GRAMD2B: variants seen among roughly 807,000 people sequenced by gnomAD.
The protein encoded by GRAMD2B is GRAM domain containing 2B, also known as GRAM domain-containing protein 2B.
GRAMD2B carries 41 observed loss-of-function variants against 59.2 expected under a neutral mutation model. The ratio of observed to expected loss-of-function variants is 0.69; its 90% CI spans 0.54 to 0.90. The LOEUF is 0.90. Among genes scored for constraint, GRAMD2B ranks in the 40% least tolerant of loss-of-function variants. GRAMD2B has a pLI of 0.00. For synonymous variants in GRAMD2B, 161 were observed against 182.7 expected (o/e 0.88, Z 0.96); for missense variants, 424 against 500.5 (o/e 0.85, Z 1.46).
upstream of GRAMD2B, among the ~76,000 whole-genome samples, chr5:126,370,707 C>T (rs1332051450): frequency 6.6e-6 from 1 of 152,218 alleles, no homozygotes; most frequent in Non-Finnish European, 1.5e-5. Context: ...ACTGGGATCA[C>T]CTGCAGTTGC....
At chr5:126,390,632 T>C (rs1756644710) in intron 1 of GRAMD2B, among the ~76,000 whole-genome samples, 2 of 152,230 alleles carry the variant, frequency 1.3e-5, no homozygotes, top group Admixed American at 1.3e-4. Context: ...GTAAGTAAAG[T>C]AATTTCAGCA....
chr5:126,484,263 C>A, intron 9 of GRAMD2B, 139 bp from the exon 10 acceptor site: 3 of 919,782 alleles, frequency 3.3e-6, no homozygotes, highest in Non-Finnish European at 4.8e-6. Context: ...TCAGCCCCAG[C>A]CACCACAACT....
chr5:126,401,598 G>A (rs1391575921), intron 1 of GRAMD2B, among the ~76,000 whole-genome samples: 2 of 151,982 alleles, frequency 1.3e-5, no homozygotes, highest in African/African-American at 4.8e-5. Context: ...GGCTTCAAGA[G>A]AGAAAGACCT....
At chr5:126,463,659 G>C (rs1248240215) in intron 1 of GRAMD2B, among the ~76,000 whole-genome samples, 1 of 152,180 alleles carries the variant, frequency 6.6e-6, no homozygotes. Context: ...GAAATAGAAG[G>C]TTGGACCTCT....
At chr5:126,385,487 T>C (rs1229818746) in intron 1 of GRAMD2B, among the ~76,000 whole-genome samples, 2 of 152,212 alleles carry the variant, frequency 1.3e-5, no homozygotes, top group Non-Finnish European at 2.9e-5. Context: ...TTAAGTTACA[T>C]AGGAAAGAGA....
chr5:126,415,952 T>C (rs944102714), intron 1 of GRAMD2B, among the ~76,000 whole-genome samples: 1 of 152,154 alleles, frequency 6.6e-6, no homozygotes, highest in Admixed American at 6.5e-5. Flanking sequence ...GATCTGTCAG[T>C]TGCAATGCAT....
At chr5:126,401,070 A>G (rs1055385608) in intron 1 of GRAMD2B, among the ~76,000 whole-genome samples, 5 of 152,024 alleles carry the variant, frequency 3.3e-5, no homozygotes, top group Non-Finnish European at 7.4e-5. Context: ...TAATGCATAT[A>G]TAGGTTTGGT....
chr5:126,360,960 T>G (rs1754191601), intron 1 of GRAMD2B, among the ~76,000 whole-genome samples: 1 of 152,190 alleles, frequency 6.6e-6, no homozygotes. Context: ...AAGGTAGGTT[T>G]GGGTTTGGGT....
chr5:126,393,778 T>C (rs1268095604), intron 1 of GRAMD2B, among the ~76,000 whole-genome samples: 2 of 152,156 alleles, frequency 1.3e-5, no homozygotes, highest in Non-Finnish European at 2.9e-5. Flanking sequence ...AAAAACAATG[T>C]TTCCTCGAAA....
chr5:126,425,556 C>A (rs1220963137), intron 1 of GRAMD2B, among the ~76,000 whole-genome samples: 1 of 152,096 alleles, frequency 6.6e-6, no homozygotes, highest in Non-Finnish European at 1.5e-5. Flanking sequence ...CACTTGAGCC[C>A]AGGAATTTAA....
chr5:126,479,205 T>A (rs1267320701), intron 6 of GRAMD2B, among the ~76,000 whole-genome samples: 2 of 152,134 alleles, frequency 1.3e-5, no homozygotes, highest in Non-Finnish European at 2.9e-5. Context: ...TCCTTTTTTA[T>A]TTTTTCTTTT....
intron 1 of GRAMD2B, among the ~76,000 whole-genome samples, chr5:126,390,354 C>A (rs972897506): frequency 6.6e-6 from 1 of 152,192 alleles, no homozygotes. Context: ...TGTCAAGTGA[C>A]CTTTCCTACT....
chr5:126,420,314 G>A (rs1056819891), upstream of GRAMD2B, among the ~76,000 whole-genome samples: 1 of 152,068 alleles, frequency 6.6e-6, no homozygotes, highest in Non-Finnish European at 1.5e-5. Context: ...CGTGCCTCTT[G>A]AATACTATAT....
exon 1 of GRAMD2B, chr5:126,371,525 C>T (rs1476726256): frequency 1.0e-5 from 13 of 1,289,076 alleles, no homozygotes; most frequent in Non-Finnish European, 1.3e-5. Flanking sequence ...AACGTGGAGG[C>T]CTCACGCAGC....
In GRAMD2B at chr5:126,384,334, A is replaced by G. The variant is rs73332447; in HGVS notation, c.125+12767A>G. On this transcript the variant is annotated intron_variant, in intron 1 of 8. Coordinates refer to the GRAMD2B transcript ENST00000506445. Reference sequence around the variant, plus strand: ...ACTCTCCAAACTATCATTTTCCACAACATGTCTCTTGCTCATCCTCATATT... The same window carrying G: ...ACTCTCCAAACTATCATTTTCCACAGCATGTCTCTTGCTCATCCTCATATT... Among the ~76,000 whole-genome samples the G allele has an allele frequency of 4.2e-3, 643 of 152,158 alleles. 3 individuals are homozygous for G. The highest frequency in any genetic ancestry group is 0.014 in the African/African-American group (599 of 41,420).
At position 126,486,584 on chromosome 5, in the gene GRAMD2B, G is replaced by A. The variant is rs565920026; in HGVS notation, c.1059-289G>A. On this transcript the variant is annotated intron_variant, in intron 11 of 13. Transcript: ENST00000285689. ...CAGAGGACGGTAGTACCGCAGGGAG[G>A]AGGAACACTGGCTTGGTACTCCAAC... 3.3e-5 allele frequency among the ~76,000 whole-genome samples: 5 copies of A among 152,274 alleles called. No individual in the cohort carries two copies. In the South Asian group the frequency reaches 8.3e-4, roughly 25 times the overall value.
chr5:126,383,581 T>C (rs1441664466), intron 1 of GRAMD2B, among the ~76,000 whole-genome samples: 2 of 152,234 alleles, frequency 1.3e-5, no homozygotes, highest in Non-Finnish European at 2.9e-5. Context: ...TTTCTCTGCA[T>C]TACTTAGATG....
chr5:126,476,188 A>C (rs1258240628), intron 5 of GRAMD2B, among the ~76,000 whole-genome samples: 1 of 152,140 alleles, frequency 6.6e-6, no homozygotes, highest in Non-Finnish European at 1.5e-5. Flanking sequence ...CAGGAGAATC[A>C]CTTGAACCTG....
At chr5:126,450,259 T>C (rs1416192909) in intron 1 of GRAMD2B, among the ~76,000 whole-genome samples, 1 of 152,056 alleles carries the variant, frequency 6.6e-6, no homozygotes, top group Non-Finnish European at 1.5e-5. Context: ...AGTGAACATT[T>C]CTCTCTTCTA....
Sources: allele counts gnomAD v4.1 joint callset (sites outside exome capture counted in the v4.1 genomes callset), GRCh38; gene constraint gnomAD v4.1.1; transcripts MANE v1.5; gene names NCBI Gene and HGNC (gene_info 2026-07-23, HGNC 2026-07-21).